The following TAFA2 variants were observed in gnomAD, a reference collection of about 807,000 sequenced individuals.
The protein encoded by TAFA2 is TAFA chemokine like family member 2.
Under a neutral mutation model 18.8 loss-of-function variants are expected in TAFA2, and 7 were observed. The ratio of observed to expected loss-of-function variants is 0.37; its 90% CI spans 0.21 to 0.70. The LOEUF (loss-of-function observed/expected upper bound fraction) is 0.70, where lower values mean the gene tolerates loss of function less well. Among genes scored for constraint, TAFA2 ranks in the 30% least tolerant of loss-of-function variants. The probability of loss-of-function intolerance (pLI) is 0.53; values close to 1 mark genes in which losing one functional copy is unlikely to be tolerated. For missense variants in TAFA2, 122 were observed against 158.1 expected (o/e 0.77, Z 1.23); for synonymous variants, 60 against 54.2 (o/e 1.11, Z -0.47).
intron 1 of TAFA2, among the ~76,000 whole-genome samples, chr12:61,906,353 G>A (rs149203756): frequency 6.6e-6 from 1 of 152,222 alleles, no homozygotes; most frequent in African/African-American, 2.4e-5. Context: ...TAAGTCTCAC[G>A]AGATCTGATG....
At chr12:61,765,799 A>AT (rs958566164) in intron 2 of TAFA2, among the ~76,000 whole-genome samples, 17 of 152,196 alleles carry the variant, frequency 1.1e-4, no homozygotes, top group Admixed American at 2.0e-4. Flanking sequence ...ATAATCATAG[A>AT]TTTTTTTAGA....
chr12:61,853,828 A>C (rs1028618895), intron 2 of TAFA2, among the ~76,000 whole-genome samples: 1 of 152,186 alleles, frequency 6.6e-6, no homozygotes, highest in African/African-American at 2.4e-5. Flanking sequence ...GAGGGTATGT[A>C]GGCACTGTAC....
chr12:62,142,314 T>C (rs999470126), intron 1 of TAFA2, among the ~76,000 whole-genome samples: 1 of 152,176 alleles, frequency 6.6e-6, no homozygotes, highest in African/African-American at 2.4e-5. Context: ...ACGAAAGTCA[T>C]AAGAATTGAA....
intron 4 of TAFA2, among the ~76,000 whole-genome samples, chr12:61,717,368 A>G (rs1869707494): frequency 2.0e-5 from 3 of 152,194 alleles, no homozygotes; most frequent in Admixed American, 2.0e-4. Flanking sequence ...TCACTTTTAT[A>G]AATATACTCA....
At chr12:62,125,991 C>A (rs1006233584) in intron 1 of TAFA2, among the ~76,000 whole-genome samples, 4 of 151,910 alleles carry the variant, frequency 2.6e-5, no homozygotes, top group African/African-American at 4.8e-5. Context: ...ATTTTTTTCG[C>A]ATATATTAGA....
intron 4 of TAFA2, among the ~76,000 whole-genome samples, chr12:61,734,376 A>AGG (rs1458028311): frequency 1.1e-4 from 7 of 65,364 alleles, no homozygotes; most frequent in African/African-American, 4.4e-4. Context: ...GGGTCGGGGG[A>AGG]GGGGGGAGGG....
intron 2 of TAFA2, among the ~76,000 whole-genome samples, chr12:61,810,056 T>A (rs146492788): frequency 6.6e-6 from 1 of 151,568 alleles, no homozygotes; most frequent in East Asian, 1.9e-4. Context: ...TCTCTCATGA[T>A]CTTTGCCATC....
At chr12:61,911,575 C>T (rs1166497686) in intron 1 of TAFA2, among the ~76,000 whole-genome samples, 1 of 152,120 alleles carries the variant, frequency 6.6e-6, no homozygotes, top group Non-Finnish European at 1.5e-5. Context: ...AAGATCACCC[C>T]AAATCTTTAT....
At chr12:61,817,319 GCCTAGTCTGTCA>G (rs2121033531) in intron 2 of TAFA2, among the ~76,000 whole-genome samples, 1 of 151,918 alleles carries the variant, frequency 6.6e-6, no homozygotes, top group African/African-American at 2.4e-5. Flanking sequence ...ATGTGACAAG[GCCTAGTCTGTCA>G]CAAAGCAAAA....
chr12:62,063,847 G>T (rs1417737656), intron 1 of TAFA2, among the ~76,000 whole-genome samples: 1 of 136,204 alleles, frequency 7.3e-6, no homozygotes, highest in African/African-American at 2.7e-5. Context: ...GCTATGTAAG[G>T]GTGGCTGGAC....
At chr12:61,829,358 T>C (rs1170386640) in intron 2 of TAFA2, among the ~76,000 whole-genome samples, 1 of 151,796 alleles carries the variant, frequency 6.6e-6, no homozygotes, top group East Asian at 1.9e-4. Context: ...ATGTAATGGA[T>C]AGATTATCAT....
chr12:61,853,076 T>C (rs1418006834), intron 2 of TAFA2, among the ~76,000 whole-genome samples: 1 of 152,156 alleles, frequency 6.6e-6, no homozygotes, highest in African/African-American at 2.4e-5. Context: ...ATGGTAACCA[T>C]GTGAGGTGAT....
At chr12:61,900,005 C>T (rs1028476821) in intron 1 of TAFA2, among the ~76,000 whole-genome samples, 12 of 152,248 alleles carry the variant, frequency 7.9e-5, no homozygotes, top group African/African-American at 2.6e-4. Flanking sequence ...GACTGTATTT[C>T]GAAGCTGGGT....
chr12:61,935,025 C>T (rs770006868), intron 1 of TAFA2, among the ~76,000 whole-genome samples: 15 of 152,028 alleles, frequency 9.9e-5, no homozygotes, highest in Non-Finnish European at 1.6e-4. Context: ...AAGCCTGGCA[C>T]GAGTACATGA....
intron 1 of TAFA2, among the ~76,000 whole-genome samples, chr12:61,887,596 C>A (rs1338887938): frequency 7.9e-6 from 1 of 126,074 alleles, no homozygotes; most frequent in East Asian, 2.7e-4. Flanking sequence ...CCCCCCACCC[C>A]ACAACAGTCC....
intron 1 of TAFA2, chr12:62,258,672 C>A (rs935312803): frequency 2.0e-5 from 5 of 250,600 alleles, no homozygotes; most frequent in Admixed American, 1.1e-4. Flanking sequence ...CATAAAAATC[C>A]CTTAAGGTAG....
intron 2 of TAFA2, among the ~76,000 whole-genome samples, chr12:61,772,339 A>C (rs1208075783): frequency 6.6e-6 from 1 of 152,028 alleles, no homozygotes; most frequent in Non-Finnish European, 1.5e-5. Context: ...CACTATTCCA[A>C]AACATAGAAA....
At chr12:62,234,995 C>T (rs556503695) in intron 1 of TAFA2, 32 of 657,564 alleles carry the variant, frequency 4.9e-5, no homozygotes, top group Admixed American at 2.9e-4. Context: ...AAGGTACTGT[C>T]GAGAGGCCAG....
intron 1 of TAFA2, among the ~76,000 whole-genome samples, chr12:62,205,278 A>C (rs2062687201): frequency 6.6e-6 from 1 of 152,062 alleles, no homozygotes; most frequent in Admixed American, 6.5e-5. Flanking sequence ...TCTGGTGACC[A>C]CTCTTGGGGG....
Sources: gnomAD v4.1 joint callset for allele counts (sites outside exome capture counted in the v4.1 genomes callset) on GRCh38, gnomAD v4.1.1 for gene constraint, MANE v1.5 for transcripts, NCBI Gene and HGNC (gene_info 2026-07-23, HGNC 2026-07-21) for gene names.